Variants in ZFP14 observed in about 807,000 individuals in gnomAD.
ZFP14 encodes the protein zinc finger protein 14 homolog.
Under a neutral mutation model 54.5 loss-of-function variants are expected in ZFP14, and 22 were observed. The observed-to-expected ratio is 0.40, with a 90% CI of 0.29 to 0.58. The LOEUF (loss-of-function observed/expected upper bound fraction) is 0.58. ZFP14 is among the 20% of genes least tolerant of loss of function. The pLI is 0.39. For synonymous variants in ZFP14, 159 were observed against 204.0 expected, an observed-to-expected ratio of 0.78 and a Z score of 1.88; for missense variants, 470 against 637.8, an observed-to-expected ratio of 0.74 and a Z score of 2.83.
chr19:36,361,303 G>A (rs567803419), intron 3 of ZFP14, among the ~76,000 whole-genome samples: 1 of 152,128 alleles, frequency 6.6e-6, no homozygotes, highest in Non-Finnish European at 1.5e-5. Flanking sequence ...GCAATGGCGC[G>A]ATCTCAACTC....
intron 2 of ZFP14, 88 bp from the exon 3 acceptor site, chr19:36,362,326 A>G: frequency 2.0e-5 from 28 of 1,407,002 alleles, no homozygotes; most frequent in Non-Finnish European, 2.6e-5. Context: ...TGCATTGCAG[A>G]GAGGGGTCAG....
intron 4 of ZFP14, among the ~76,000 whole-genome samples, chr19:36,350,657 C>A (rs1568467709): frequency 7.1e-6 from 1 of 140,808 alleles, no homozygotes; most frequent in African/African-American, 2.6e-5. Context: ...CAGATGACAA[C>A]ACAATATCCA....
chr19:36,356,619 C>T (rs2031618966), intron 4 of ZFP14, among the ~76,000 whole-genome samples: 1 of 152,030 alleles, frequency 6.6e-6, no homozygotes, highest in African/African-American at 2.4e-5. Context: ...TCATGTTACC[C>T]CTTTCTAACC....
Position 36,341,718 on chromosome 19 carries a change from T to G in ZFP14, c.236-128A>C, listed in dbSNP as rs554215623. 1.2e-4 allele frequency: 94 copies of G among 816,664 alleles called. No individual in the cohort carries two copies. The East Asian group carries it at 2.7e-3, about 23-fold the overall frequency. The allele number at this position is 816,664 out of a possible 1,614,324, so 50.6% of individuals were successfully genotyped here. On this transcript the variant is annotated intron_variant, in intron 4 of 4. Coordinates refer to ENST00000270001, the MANE Select transcript of ZFP14 (RefSeq NM_020917.3). This position sits in a 1 kb window ranked among gnomAD's most constrained non-coding sequence, Gnocchi z 4.2. The stretch of plus-strand genomic sequence containing the variant: ...AATGCCTGTTACAAATTGAATGGAT[T>G]AGACAGATCTCAAACATAGACATTT...
At chr19:36,367,331 A>G (rs183276044) in intron 2 of ZFP14, among the ~76,000 whole-genome samples, 41 of 152,204 alleles carry the variant, frequency 2.7e-4, no homozygotes, top group Admixed American at 7.2e-4. Flanking sequence ...AATGCCTTCA[A>G]TTTTCTCAAG....
rs1445017215 is a variant in ZFP14 at position 36,352,669 on chromosome 19, C to T, written c.235+7766G>A. ...AAAAATTAGCCATGTGGGCTGGGCG[C>T]GGTGGCTCACACCTGTAATCCCAAC... On this transcript the variant is annotated intron_variant, in intron 4 of 4. Coordinates refer to ENST00000270001, the MANE Select transcript of ZFP14 (RefSeq NM_020917.3). Among the ~76,000 whole-genome samples the T allele has an allele frequency of 2.1e-5, 3 of 142,118 alleles. 1 individual carries two copies. The highest frequency in any genetic ancestry group is 5.2e-5 in the African/African-American group (2 of 38,684). The allele number at this position is 142,118 out of a possible 152,430, so 93.2% of individuals were successfully genotyped here. A position where few individuals can be genotyped will look rare whatever the true frequency, so the allele number is the denominator to read the frequency against.
chr19:36,340,794 C>T lies in ZFP14; in HGVS notation c.1032G>A (p.Glu344=), dbSNP rs1453959136. Residue 344 remains glutamate (E), a synonymous_variant, in exon 5 of 5, where the codon GAG becomes GAA. Coordinates refer to ENST00000270001, the MANE Select transcript of ZFP14 (RefSeq NM_020917.3). The surrounding 1 kb of genome is among the most constrained non-coding windows in gnomAD (Gnocchi z 5.4). ...GGCATATTCTAAAAGCCTTTCCACA[C>T]TCCTTACATTCATAGGGTTTCTCAC... The part of the protein sequence containing the change: ...HFGEKPYECK[E]CGKAFRICQQ... 8 of 1,613,870 alleles carry T rather than the reference C, an allele frequency of 5.0e-6. No homozygotes were observed. In the South Asian group the frequency reaches 6.6e-5, roughly 13 times the overall value.
intron 1 of ZFP14, among the ~76,000 whole-genome samples, chr19:36,371,440 T>G (rs1377600867): frequency 6.6e-6 from 1 of 151,582 alleles, no homozygotes; most frequent in African/African-American, 2.4e-5. Flanking sequence ...ATGAAGGAAA[T>G]TTTGAAAATG....
In ZFP14 at chr19:36,339,142, T is replaced by C. The variant is rs2031261172; in HGVS notation, c.*1082A>G. 6.6e-6 allele frequency: 1 copy of C among 152,220 alleles called. No individual in the cohort carries two copies. The highest frequency in any genetic ancestry group is 6.5e-5 in the Admixed American group (1 of 15,280). The allele number at this position is 152,220 out of a possible 1,614,324, so 9.4% of individuals were successfully genotyped here. On this transcript the variant is annotated 3_prime_UTR_variant, in exon 5 of 5. Transcript: ENST00000270001. ...CAATCTAAATTTTACCTAGAATAAATTATGTTTAATAATTTCTGAGAGGTG... is the reference window on the plus strand; with the variant it reads ...CAATCTAAATTTTACCTAGAATAAACTATGTTTAATAATTTCTGAGAGGTG...
intron 1 of ZFP14, among the ~76,000 whole-genome samples, chr19:36,374,657 G>A (rs1461719620): frequency 6.6e-6 from 1 of 152,072 alleles, no homozygotes; most frequent in African/African-American, 2.4e-5. Context: ...TAAAAATGAT[G>A]TTGCCTTAAT....
In ZFP14 at chr19:36,339,135, G is replaced by A. The variant is rs1373985939; in HGVS notation, c.*1089C>T. The A allele has an allele frequency of 1.3e-5, 2 of 152,210 alleles. No individual in the cohort carries two copies. The highest frequency in any genetic ancestry group is 4.8e-5 in the African/African-American group (2 of 41,528). The allele number at this position is 152,210 out of a possible 1,614,324, so 9.4% of individuals were successfully genotyped here. ...TTCACTACAATCTAAATTTTACCTA[G>A]AATAAATTATGTTTAATAATTTCTG... On this transcript the variant is annotated 3_prime_UTR_variant, in exon 5 of 5. Coordinates refer to ENST00000270001, the MANE Select transcript of ZFP14 (RefSeq NM_020917.3).
At chr19:36,367,600 C>T (rs879816672) in intron 2 of ZFP14, among the ~76,000 whole-genome samples, 2 of 152,072 alleles carry the variant, frequency 1.3e-5, no homozygotes, top group Non-Finnish European at 2.9e-5. Flanking sequence ...CCTGCCTCAG[C>T]CTCCTGGGCG....
intron 4 of ZFP14, among the ~76,000 whole-genome samples, chr19:36,353,781 A>C (rs2031568583): frequency 1.4e-5 from 2 of 139,564 alleles, no homozygotes; most frequent in South Asian, 4.6e-4. Flanking sequence ...AAATAAAAAA[A>C]AGTCAGATGC....
intron 4 of ZFP14, among the ~76,000 whole-genome samples, chr19:36,347,189 G>A (rs2031431878): frequency 6.6e-6 from 1 of 152,190 alleles, no homozygotes; most frequent in South Asian, 2.1e-4. Flanking sequence ...TTGTCAGCTT[G>A]CAAGTAGGGT....
chr19:36,369,921 A>AC (rs2031854734), intron 1 of ZFP14, among the ~76,000 whole-genome samples: 1 of 151,946 alleles, frequency 6.6e-6, no homozygotes, highest in Non-Finnish European at 1.5e-5. Flanking sequence ...AGCAGCCTCG[A>AC]CCTCCCGGGC....
At chr19:36,358,256 G>A (rs12982193) in intron 4 of ZFP14, among the ~76,000 whole-genome samples, 7,861 of 151,110 alleles carry the variant, frequency 0.052, 240 homozygotes, top group Non-Finnish European at 0.066. Flanking sequence ...GATTACAGGC[G>A]TGCGCCACTA....
At chr19:36,368,222 A>G (rs937024723) in intron 1 of ZFP14, among the ~76,000 whole-genome samples, 1 of 152,148 alleles carries the variant, frequency 6.6e-6, no homozygotes, top group Non-Finnish European at 1.5e-5. Context: ...TAATCTCAGC[A>G]CTTTGGGAGG....
At chr19:36,344,254 C>T (rs1291566078) in intron 4 of ZFP14, among the ~76,000 whole-genome samples, 1 of 152,202 alleles carries the variant, frequency 6.6e-6, no homozygotes, top group African/African-American at 2.4e-5. Flanking sequence ...ATCTGCCCGC[C>T]TCGGCCTCCC....
chr19:36,350,225 CAA>C (rs1371585311), intron 4 of ZFP14, among the ~76,000 whole-genome samples: 1 of 141,860 alleles, frequency 7.0e-6, no homozygotes, highest in Non-Finnish European at 1.6e-5. Context: ...GAGAAAAGAA[CAA>C]AAATGAGAAA....
Sources: allele counts gnomAD v4.1 joint callset (sites outside exome capture counted in the v4.1 genomes callset), GRCh38; gene constraint gnomAD v4.1.1; non-coding constraint Gnocchi (gnomAD v3.1); transcripts MANE v1.5; gene names NCBI Gene and HGNC (gene_info 2026-07-23, HGNC 2026-07-21).